Variants in CCSER1 observed in about 807,000 individuals in gnomAD.
The protein encoded by CCSER1 is coiled-coil serine rich protein 1.
A neutral mutation model predicts 82.0 loss-of-function variants in CCSER1; 41 were observed. That is an observed-to-expected ratio of 0.50 (90% confidence interval 0.39 to 0.65). The LOEUF (loss-of-function observed/expected upper bound fraction) is 0.65, where lower values mean the gene tolerates loss of function less well. CCSER1 is among the 30% of genes least tolerant of loss of function. The pLI, the probability that CCSER1 is intolerant of heterozygous loss-of-function variation, is 0.00. For synonymous variants in CCSER1, 414 were observed against 383.9 expected (o/e 1.08, Z -0.92); for missense variants, 1,119 against 1,064.2 (o/e 1.05, Z -0.72).
At chr4:91,111,014 A>C (rs1726051786) in intron 10 of CCSER1, among the ~76,000 whole-genome samples, 1 of 151,660 alleles carries the variant, frequency 6.6e-6, no homozygotes, top group East Asian at 1.9e-4. Flanking sequence ...GAGTTATTAA[A>C]ATTAAAATTT....
At chr4:90,701,757 T>C (rs1002720235) in intron 6 of CCSER1, among the ~76,000 whole-genome samples, 4 of 152,212 alleles carry the variant, frequency 2.6e-5, no homozygotes, top group Non-Finnish European at 4.4e-5. Flanking sequence ...AGTTCACTCA[T>C]GATTTGGCTC....
rs547912496 is a variant in CCSER1, at chr4:91,046,689, TTTGTTGTTGTTG to T, written c.2173-39246_2173-39235del. On this transcript the variant is annotated intron_variant, in intron 9 of 10. Transcript: ENST00000509176. The stretch of plus-strand genomic sequence containing the variant: ...ACAAGAGGGAGAGGATAATATGTTT[TTTGTTGTTGTTG>T]TTGTTGTTGTTGTTTTGTTTTGGGA... 1.4e-3 allele frequency among the ~76,000 whole-genome samples: 211 copies of T among 151,720 alleles called. 3 individuals carry two copies. In the South Asian group the frequency reaches 0.043, roughly 31 times the overall value.
chr4:91,582,794 G>A (rs1311792512), intron 10 of CCSER1, among the ~76,000 whole-genome samples: 1 of 151,352 alleles, frequency 6.6e-6, no homozygotes, highest in Non-Finnish European at 1.5e-5. Flanking sequence ...TCATCTTACA[G>A]TATACTGCTT....
chr4:91,474,766 T>C (rs551781217), intron 10 of CCSER1, among the ~76,000 whole-genome samples: 1 of 140,082 alleles, frequency 7.1e-6, no homozygotes, highest in Non-Finnish European at 1.5e-5. Flanking sequence ...CACATGTGTG[T>C]GTATATATAT....
chr4:90,665,764 T>G (rs1731653645), intron 6 of CCSER1, among the ~76,000 whole-genome samples: 5 of 152,136 alleles, frequency 3.3e-5, no homozygotes, highest in Admixed American at 2.6e-4. Context: ...ACCCAGAAAC[T>G]GAAAATAACA....
chr4:90,751,489 C>T (rs1056628178), intron 7 of CCSER1, among the ~76,000 whole-genome samples: 4 of 151,882 alleles, frequency 2.6e-5, no homozygotes, highest in Admixed American at 2.0e-4. Flanking sequence ...TTCTCAAGAG[C>T]TCCTTGAGGG....
chr4:90,339,896 A>G (rs1033750472), intron 3 of CCSER1, among the ~76,000 whole-genome samples: 2 of 151,904 alleles, frequency 1.3e-5, no homozygotes, highest in Non-Finnish European at 1.5e-5. Context: ...TAGAGCATGT[A>G]CTATTTTATA....
intron 5 of CCSER1, among the ~76,000 whole-genome samples, chr4:90,532,845 C>A (rs1000179745): frequency 6.6e-6 from 1 of 152,122 alleles, no homozygotes; most frequent in Non-Finnish European, 1.5e-5. Context: ...TAGCTTCCTC[C>A]TCTACTTCTC....
At chr4:91,418,229 A>T (rs1486488999) in intron 10 of CCSER1, among the ~76,000 whole-genome samples, 2 of 151,634 alleles carry the variant, frequency 1.3e-5, no homozygotes, top group East Asian at 3.9e-4. Flanking sequence ...AATAATACAG[A>T]TTAGAACTGA....
chr4:91,008,120 T>A (rs1361643883), intron 9 of CCSER1, among the ~76,000 whole-genome samples: 1 of 152,160 alleles, frequency 6.6e-6, no homozygotes, highest in African/African-American at 2.4e-5. Flanking sequence ...TTTTTAAAAA[T>A]TCATTAAGAC....
chr4:90,368,378 G>A (rs1384519815), intron 3 of CCSER1, among the ~76,000 whole-genome samples: 1 of 151,932 alleles, frequency 6.6e-6, no homozygotes, highest in Non-Finnish European at 1.5e-5. Context: ...GCTCATGCCT[G>A]TAATCCCAAT....
At chr4:91,169,082 C>T (rs530688412) in intron 10 of CCSER1, among the ~76,000 whole-genome samples, 36 of 151,878 alleles carry the variant, frequency 2.4e-4, no homozygotes, top group African/African-American at 8.2e-4. Context: ...GGGACCTCTG[C>T]CTAGGAAAAC....
intron 10 of CCSER1, among the ~76,000 whole-genome samples, chr4:91,504,735 A>G (rs569449305): frequency 2.6e-5 from 4 of 152,246 alleles, no homozygotes; most frequent in African/African-American, 9.6e-5. Context: ...TTTAGCCAAT[A>G]GACCATTATG....
intron 10 of CCSER1, among the ~76,000 whole-genome samples, chr4:91,458,272 C>G (rs1430152106): frequency 3.3e-5 from 5 of 152,022 alleles, no homozygotes; most frequent in Non-Finnish European, 2.9e-5. Context: ...ATGTCCTTTC[C>G]CCCCATACAA....
chr4:91,116,319 C>A (rs977682790), intron 10 of CCSER1, among the ~76,000 whole-genome samples: 50 of 152,226 alleles, frequency 3.3e-4, no homozygotes, highest in African/African-American at 1.1e-3. Flanking sequence ...TAGTGAGAAA[C>A]CACCATGGAA....
At chr4:90,307,166 G>A (rs1297833767) in intron 1 of CCSER1, among the ~76,000 whole-genome samples, 1 of 152,048 alleles carries the variant, frequency 6.6e-6, no homozygotes, top group Non-Finnish European at 1.5e-5. Context: ...GATAATCTGT[G>A]GGAAAGTACC....
intron 5 of CCSER1, among the ~76,000 whole-genome samples, chr4:90,519,986 T>C (rs1401814386): frequency 2.0e-5 from 3 of 152,072 alleles, no homozygotes; most frequent in Admixed American, 6.5e-5. Context: ...TTTGAAATTA[T>C]ACTCTCTTGG....
At chr4:90,451,395 G>C (rs905326399) in intron 4 of CCSER1, among the ~76,000 whole-genome samples, 2 of 152,094 alleles carry the variant, frequency 1.3e-5, no homozygotes, top group African/African-American at 4.8e-5. Context: ...CCATCCTTTG[G>C]GTTCCAGGGG....
In CCSER1 at chr4:90,986,129, G is replaced by T. The variant is rs193232978; in HGVS notation, c.2172+62682G>T. Among the ~76,000 whole-genome samples, 8 of 151,806 alleles carry T rather than the reference G, an allele frequency of 5.3e-5. No individual in the cohort carries two copies. The South Asian group carries it at 8.3e-4, about 16-fold the overall frequency. ...TAAAACTTCATCAGTTTGATTTTCG[G>T]CATGTTAAGTATATCTTAATCTGGT... On this transcript the variant is annotated intron_variant, in intron 9 of 10. Coordinates refer to ENST00000509176, the MANE Select transcript of CCSER1 (RefSeq NM_001145065.2).
Sources: gnomAD v4.1 joint callset for allele counts (sites outside exome capture counted in the v4.1 genomes callset) on GRCh38, gnomAD v4.1.1 for gene constraint, MANE v1.5 for transcripts, NCBI Gene and HGNC (gene_info 2026-07-23, HGNC 2026-07-21) for gene names.